Variants in ASNS observed in about 807,000 individuals in gnomAD.
The protein encoded by ASNS is asparagine synthetase (glutamine-hydrolyzing), also known as asparagine synthetase [glutamine-hydrolyzing].
Under a neutral mutation model 62.6 loss-of-function variants are expected in ASNS, and 37 were observed. The ratio of observed to expected loss-of-function variants is 0.59; its 90% CI spans 0.45 to 0.78. The LOEUF is 0.78. Among genes scored for constraint, ASNS ranks in the 30% least tolerant of loss-of-function variants. The pLI is 0.00. For missense variants in ASNS, 520 were observed against 682.4 expected (o/e 0.76, Z 2.65); for synonymous variants, 207 against 237.9 (o/e 0.87, Z 1.19).
the ASNS span, among the ~76,000 whole-genome samples, chr7:97,891,873 T>G: frequency 2.0e-4 from 30 of 152,270 alleles, no homozygotes; most frequent in African/African-American, 6.5e-4. Context: ...AGGCACACAG[T>G]GCAAGCTGTC....
the ASNS span, among the ~76,000 whole-genome samples, chr7:97,892,308 C>T: frequency 6.6e-6 from 1 of 152,314 alleles, no homozygotes; most frequent in Admixed American, 6.5e-5. Context: ...ATCTTTTCTT[C>T]CTAGGCCTCT....
chr7:97,910,632 G>A, the ASNS span, among the ~76,000 whole-genome samples: 3 of 148,076 alleles, frequency 2.0e-5, no homozygotes, highest in South Asian at 4.3e-4. Flanking sequence ...CCAGAGTCTC[G>A]TTCTTGCCAC....
the ASNS span, among the ~76,000 whole-genome samples, chr7:97,897,502 A>T: frequency 5.3e-5 from 8 of 152,258 alleles, no homozygotes; most frequent in Non-Finnish European, 1.0e-4. Context: ...CAAGTTTATG[A>T]AAAAATATTC....
chr7:97,858,454 A>G, intron 6 of ASNS, 49 bp from the exon 7 acceptor site: 3 of 1,607,728 alleles, frequency 1.9e-6, no homozygotes, highest in Non-Finnish European at 2.6e-6. Context: ...TGCCTTGCAT[A>G]AGACAGGGAC....
chr7:97,876,929 C>T (rs1792450608), upstream of ASNS, among the ~76,000 whole-genome samples: 1 of 152,022 alleles, frequency 6.6e-6, no homozygotes, highest in East Asian at 1.9e-4. Context: ...CTGGGGCCAC[C>T]AGGTAGCAAG....
chr7:97,854,885 C>T, intron 9 of ASNS: 1 of 787,816 alleles, frequency 1.3e-6, no homozygotes. Flanking sequence ...AAAATGAACA[C>T]AATGGGCAAC....
chr7:97,898,433 T>C, the ASNS span: 1 of 520,314 alleles, frequency 1.9e-6, no homozygotes, highest in Non-Finnish European at 3.6e-6. Context: ...AACTACTACC[T>C]TCACCACGAA....
In ASNS at chr7:97,859,244, G is replaced by A. The variant is rs1791601913; in HGVS notation, c.642C>T (p.Ala214=). The change falls in exon 5 of 13, where the codon GCC becomes GCT. Residue 214 remains alanine, a synonymous_variant. Coordinates refer to ENST00000394308, the MANE Select transcript of ASNS (RefSeq NM_001673.5). ...AGAGTTTCTCCACATTGTCATAGAGGGCGTGCAGGGGTACATCCCGACAGT... is the reference window on the plus strand; with the variant it reads ...AGAGTTTCTCCACATTGTCATAGAGAGCGTGCAGGGGTACATCCCGACAGT... The part of the protein sequence containing the change: ...YHHCRDVPLH[A]LYDNVEKLFP... 1.3e-5 allele frequency: 21 copies of A among 1,613,720 alleles called. No individual in the cohort carries two copies. Among genetic ancestry groups the A allele is most frequent in the Non-Finnish European group, 1.8e-5 (21 of 1,179,804 alleles).
chr7:97,896,704 A>G, the ASNS span, among the ~76,000 whole-genome samples: 7 of 30,534 alleles, frequency 2.3e-4, 1 homozygote, highest in South Asian at 9.8e-3. Flanking sequence ...ATATATGTGT[A>G]TATATATACA....
At chr7:97,853,521 C>T in intron 10 of ASNS, 135 bp from the exon 11 acceptor site, 1 of 662,860 alleles carries the variant, frequency 1.5e-6, no homozygotes, top group Non-Finnish European at 2.6e-6. Flanking sequence ...TACAAGCCTC[C>T]TAATGACTGC....
intron 3 of ASNS, among the ~76,000 whole-genome samples, chr7:97,867,070 T>C (rs1792011380): frequency 7.8e-6 from 1 of 128,470 alleles, no homozygotes; most frequent in Non-Finnish European, 1.8e-5. Context: ...CCTACTCTCC[T>C]AAAACCAAAC....
At chr7:97,856,887 G>A (rs769907462) in intron 7 of ASNS, 71 bp from the exon 8 acceptor site, 155 of 1,437,590 alleles carry the variant, frequency 1.1e-4, no homozygotes, top group Non-Finnish European at 1.4e-4. Context: ...AACATGATGG[G>A]AGTTCACAAA....
chr7:97,884,207 A>T, the ASNS span, among the ~76,000 whole-genome samples: 1 of 152,126 alleles, frequency 6.6e-6, no homozygotes, highest in East Asian at 1.9e-4. Flanking sequence ...TCATTTCCTG[A>T]TTCTCTCGCT....
chr7:97,861,477 T>C (rs952629064), intron 4 of ASNS, among the ~76,000 whole-genome samples: 2 of 152,226 alleles, frequency 1.3e-5, no homozygotes, highest in African/African-American at 2.4e-5. Context: ...TGATCATATA[T>C]GTATGGGTTC....
intron 3 of ASNS, among the ~76,000 whole-genome samples, chr7:97,866,108 T>C (rs1791954818): frequency 6.6e-6 from 1 of 152,224 alleles, no homozygotes; most frequent in African/African-American, 2.4e-5. Flanking sequence ...CTGGTTGCCA[T>C]GACACTAAAA....
At chr7:97,925,205 A>G in the ASNS span, among the ~76,000 whole-genome samples, 75 of 152,354 alleles carry the variant, frequency 4.9e-4, no homozygotes, top group African/African-American at 1.7e-3. Flanking sequence ...ATCTCAGTAA[A>G]TCCCATATAA....
At chr7:97,919,868 C>T in the ASNS span, among the ~76,000 whole-genome samples, 2 of 152,302 alleles carry the variant, frequency 1.3e-5, no homozygotes, top group African/African-American at 4.8e-5. Context: ...TACACAAAGC[C>T]CAGCCTCACC....
At chr7:97,923,363 G>A in the ASNS span, among the ~76,000 whole-genome samples, 1 of 152,042 alleles carries the variant, frequency 6.6e-6, no homozygotes, top group African/African-American at 2.4e-5. Flanking sequence ...GCCAAGGTGG[G>A]CCGATCACTT....
the ASNS span, among the ~76,000 whole-genome samples, chr7:97,884,016 A>G: frequency 6.6e-6 from 1 of 150,870 alleles, no homozygotes; most frequent in African/African-American, 2.4e-5. Context: ...AAATTATAAA[A>G]GGTCACCTTT....
Sources: allele counts gnomAD v4.1 joint callset (sites outside exome capture counted in the v4.1 genomes callset), GRCh38; gene constraint gnomAD v4.1.1; transcripts MANE v1.5; gene names NCBI Gene and HGNC (gene_info 2026-07-23, HGNC 2026-07-21).